The following SCNN1B variants were observed in gnomAD, a reference collection of about 807,000 sequenced individuals.
The protein encoded by SCNN1B is epithelial sodium channel subunit beta.
Under a neutral mutation model 65.3 loss-of-function variants are expected in SCNN1B, and 46 were observed. The ratio of observed to expected loss-of-function variants is 0.70; its 90% CI spans 0.56 to 0.90. SCNN1B has a LOEUF of 0.90. Ranked by LOEUF, SCNN1B falls within the 40% of genes least tolerant of loss-of-function variation. The pLI, the probability that SCNN1B is intolerant of heterozygous loss-of-function variation, is 0.00. For missense variants in SCNN1B, 751 were observed against 830.5 expected, an observed-to-expected ratio of 0.90 and a Z score of 1.18; for synonymous variants, 349 against 330.6, an observed-to-expected ratio of 1.06 and a Z score of -0.60.
chr16:23,287,189 G>C (rs1218382489), intron 2 of SCNN1B, among the ~76,000 whole-genome samples: 1 of 151,918 alleles, frequency 6.6e-6, no homozygotes, highest in Admixed American at 6.6e-5. Context: ...ATTTTTAGTA[G>C]TGATGGGGTT....
At position 23,374,924 on chromosome 16, in the gene SCNN1B, G is replaced by A. The variant is rs143544353; in HGVS notation, c.1153-814G>A. ...GAACCACTGCCTCCATCCGTGCAGCGCTTCCTGAGCACCTGATGTGGCCCT... is the reference window on the plus strand; with the variant it reads ...GAACCACTGCCTCCATCCGTGCAGCACTTCCTGAGCACCTGATGTGGCCCT... On this transcript the variant is annotated intron_variant, in intron 7 of 12. Coordinates refer to ENST00000343070, the MANE Select transcript of SCNN1B (RefSeq NM_000336.3). Among the ~76,000 whole-genome samples, 12 of 152,186 alleles carry A rather than the reference G, an allele frequency of 7.9e-5. No individual in the cohort carries two copies. The East Asian group carries it at 9.7e-4, about 12-fold the overall frequency.
intron 1 of SCNN1B, among the ~76,000 whole-genome samples, chr16:23,318,614 A>AAAAAT (rs1438996316): frequency 6.6e-6 from 1 of 152,252 alleles, no homozygotes; most frequent in Non-Finnish European, 1.5e-5. Flanking sequence ...GTCTAAAGAA[A>AAAAAT]AAAATAAAAT....
intron 10 of SCNN1B, 114 bp from the exon 11 acceptor site, chr16:23,378,592 C>T: frequency 1.1e-6 from 1 of 905,848 alleles, no homozygotes; most frequent in Non-Finnish European, 1.8e-6. Context: ...TTGTGATTCC[C>T]CCGGGGGCCT....
chr16:23,303,413 C>G (rs1193392147), intron 1 of SCNN1B, among the ~76,000 whole-genome samples: 1 of 152,118 alleles, frequency 6.6e-6, no homozygotes, highest in Non-Finnish European at 1.5e-5. Flanking sequence ...ATCCCAGCAT[C>G]CGTGAGTGAC....
chr16:23,282,499 A>T (rs1960797440), intron 1 of SCNN1B, among the ~76,000 whole-genome samples: 1 of 152,220 alleles, frequency 6.6e-6, no homozygotes. Context: ...GGAATCTATG[A>T]ATACTCCTCC....
intron 1 of SCNN1B, chr16:23,278,464 T>C (rs553559725): frequency 6.6e-6 from 1 of 152,036 alleles, no homozygotes; most frequent in East Asian, 1.9e-4. Flanking sequence ...CCAGGCTGGA[T>C]AGCCTGTCCA....
rs1259400786 is a variant in SCNN1B, at chr16:23,380,818, C to T, written c.*17C>T. 1 of 1,611,476 alleles carries T rather than the reference C, an allele frequency of 6.2e-7. No homozygotes were observed. The highest frequency in any genetic ancestry group is 1.1e-5 in the South Asian group (1 of 91,008). On this transcript the variant is annotated 3_prime_UTR_variant, in exon 13 of 13. Transcript: ENST00000343070. This position sits in a 1 kb window ranked among gnomAD's most constrained non-coding sequence, Gnocchi z 5.4. ...GCCATCTAACCCTGCCCCTGCCCAC[C>T]CCGGGCGGCTGAAACTCACTGAGCA...
chr16:23,296,200 G>C (rs1399553640), intron 2 of SCNN1B, among the ~76,000 whole-genome samples: 1 of 152,118 alleles, frequency 6.6e-6, no homozygotes, highest in Non-Finnish European at 1.5e-5. Flanking sequence ...AGAAACAAGA[G>C]GCCCAGGCTG....
chr16:23,365,249 G>A lies in SCNN1B; in HGVS notation c.777-2607G>A, dbSNP rs1013526982. On this transcript the variant is annotated intron_variant, in intron 4 of 12. Transcript: ENST00000343070. ...AGAGGTTACAGTGAACCAATATCAC[G>A]CCATTGCACTCCAGCCTGGGCAACA... Among the ~76,000 whole-genome samples, 3 of 151,218 alleles carry A rather than the reference G, an allele frequency of 2.0e-5. No homozygotes were observed. The East Asian group carries it at 5.8e-4, about 29-fold the overall frequency.
At chr16:23,359,734 A>G (rs773715681) in intron 4 of SCNN1B, among the ~76,000 whole-genome samples, 11 of 152,330 alleles carry the variant, frequency 7.2e-5, no homozygotes, top group Non-Finnish European at 1.2e-4. Context: ...CTTGAATGTC[A>G]GCTCAGTATG....
chr16:23,336,012 G>A (rs781736773), intron 1 of SCNN1B, among the ~76,000 whole-genome samples: 6 of 152,090 alleles, frequency 3.9e-5, no homozygotes, highest in Non-Finnish European at 5.9e-5. Flanking sequence ...CAGAGGATGC[G>A]GGCAGCTGCA....
intron 4 of SCNN1B, among the ~76,000 whole-genome samples, chr16:23,364,984 G>A (rs913012817): frequency 1.3e-5 from 2 of 152,104 alleles, no homozygotes; most frequent in African/African-American, 2.4e-5. Flanking sequence ...AAATTAGCTG[G>A]TTGTGGTGGC....
chr16:23,280,164 T>C (rs1336915495), intron 1 of SCNN1B, among the ~76,000 whole-genome samples: 1 of 152,218 alleles, frequency 6.6e-6, no homozygotes, highest in Non-Finnish European at 1.5e-5. Context: ...GCGTTCATCC[T>C]CTTGTTTCGC....
rs566288726 is a variant in SCNN1B at position 23,321,402 on chromosome 16, T to G, written c.-9+18965T>G. Among the ~76,000 whole-genome samples the G allele has an allele frequency of 3.9e-5, 6 of 152,180 alleles. No individual in the cohort carries two copies. The South Asian group carries it at 1.2e-3, about 32-fold the overall frequency. On this transcript the variant is annotated intron_variant, in intron 1 of 12. Coordinates refer to ENST00000343070, the MANE Select transcript of SCNN1B (RefSeq NM_000336.3). The stretch of plus-strand genomic sequence containing the variant: ...CTCTGGCTGGGGCTCCCTGTTCCTC[T>G]GAAGGCCCCGCCTGTGAGTGGGGGT...
intron 1 of SCNN1B, among the ~76,000 whole-genome samples, chr16:23,341,880 A>G (rs1179322312): frequency 6.6e-6 from 1 of 152,206 alleles, no homozygotes; most frequent in Admixed American, 6.5e-5. Context: ...ACCGGGTGAA[A>G]TTGTTAAGTA....
rs533757669 is a variant in SCNN1B, at chr16:23,368,756, A to T, written c.880+797A>T. On this transcript the variant is annotated intron_variant, in intron 5 of 12. Transcript: ENST00000343070. The stretch of plus-strand genomic sequence containing the variant: ...TCCATATATGCTGAGTATTCTGAGC[A>T]GTTTTTAAACAACTTGTCCAGGATC... Among the ~76,000 whole-genome samples, 3 of 152,336 alleles carry T rather than the reference A, an allele frequency of 2.0e-5. No homozygotes were observed. In the East Asian group the frequency reaches 5.8e-4, roughly 29 times the overall value.
intron 4 of SCNN1B, chr16:23,358,681 C>G (rs1962469117): frequency 6.6e-6 from 1 of 152,208 alleles, no homozygotes; most frequent in Admixed American, 6.5e-5. Flanking sequence ...CCGAAGCTGG[C>G]AGATCGCTTG....
chr16:23,371,734 G>A, intron 6 of SCNN1B, 42 bp from the exon 7 acceptor site: 1 of 1,484,248 alleles, frequency 6.7e-7, no homozygotes, highest in Non-Finnish European at 9.4e-7. Context: ...AGGGCTTCCT[G>A]GGGTGACCAG....
intron 1 of SCNN1B, among the ~76,000 whole-genome samples, chr16:23,332,117 C>T (rs1961824649): frequency 1.3e-5 from 2 of 152,156 alleles, no homozygotes; most frequent in Admixed American, 1.3e-4. Context: ...CAGCCTCAAC[C>T]TCCTGGGCTC....
Sources: allele counts gnomAD v4.1 joint callset (sites outside exome capture counted in the v4.1 genomes callset), GRCh38; gene constraint gnomAD v4.1.1; non-coding constraint Gnocchi (gnomAD v3.1); transcripts MANE v1.5; gene names NCBI Gene and HGNC (gene_info 2026-07-23, HGNC 2026-07-21).